Variants in SPEF2 observed in about 807,000 individuals in gnomAD.
The protein encoded by SPEF2 is sperm flagellar and cilia associated 2, also known as sperm flagella and cilia-associated protein 2.
A neutral mutation model predicts 224.6 loss-of-function variants in SPEF2; 187 were observed. The ratio of observed to expected loss-of-function variants is 0.83; its 90% CI spans 0.74 to 0.94. The LOEUF (loss-of-function observed/expected upper bound fraction) is 0.94, where lower values mean the gene tolerates loss of function less well. Among genes scored for constraint, SPEF2 ranks in the 40% least tolerant of loss-of-function variants. SPEF2 has a pLI of 0.00. For synonymous variants in SPEF2, 715 were observed against 707.3 expected, an observed-to-expected ratio of 1.01 and a Z score of -0.17; for missense variants, 2,170 against 2,135.6, an observed-to-expected ratio of 1.02 and a Z score of -0.32.
intron 28 of SPEF2, among the ~76,000 whole-genome samples, chr5:35,775,393 G>A (rs570114182): frequency 7.9e-5 from 12 of 152,264 alleles, no homozygotes; most frequent in East Asian, 7.7e-4. Context: ...AAAAATTGGC[G>A]TGAGAATGAA....
intron 9 of SPEF2, among the ~76,000 whole-genome samples, chr5:35,667,834 G>A (rs1750713495): frequency 6.6e-6 from 1 of 151,976 alleles, no homozygotes; most frequent in South Asian, 2.1e-4. Context: ...AAATAAGCCA[G>A]TTCAAAAATA....
intron 30 of SPEF2, among the ~76,000 whole-genome samples, chr5:35,786,658 C>A: frequency 6.6e-6 from 1 of 151,216 alleles, no homozygotes. Flanking sequence ...GAGACTCCAT[C>A]TCAAAAAAAA....
chr5:35,775,101 A>G (rs1753426223), intron 28 of SPEF2, among the ~76,000 whole-genome samples: 1 of 152,198 alleles, frequency 6.6e-6, no homozygotes, highest in Admixed American at 6.5e-5. Context: ...ACAAACATAA[A>G]CAAAAAATAA....
chr5:35,629,151 CTTTTTT>C (rs768077049), intron 2 of SPEF2, among the ~76,000 whole-genome samples: 3 of 88,342 alleles, frequency 3.4e-5, no homozygotes, highest in African/African-American at 1.2e-4. Flanking sequence ...TCGATTGTTC[CTTTTTT>C]TTTTTTTTTT....
intron 11 of SPEF2, among the ~76,000 whole-genome samples, 187 bp from the exon 12 acceptor site, chr5:35,692,383 C>G (rs750662582): frequency 1.5e-4 from 23 of 152,134 alleles, no homozygotes; most frequent in Non-Finnish European, 2.2e-4. Context: ...TGCACTCCAG[C>G]CTAGGCGACA....
At position 35,776,266 on chromosome 5, in the gene SPEF2, C is replaced by T. The variant is rs776429509; in HGVS notation, c.4088C>T (p.Thr1363Met). 2.9e-5 allele frequency: 46 copies of T among 1,603,926 alleles called. No homozygotes were observed. Among genetic ancestry groups the T allele is most frequent in the South Asian group, 5.6e-5 (5 of 89,566 alleles). ...LAALQFEEIA[T>M]QFRLELIKTK... The stretch of plus-strand genomic sequence containing the variant: ...TTCTCTTTGCAAATAGAAATAGCCA[C>T]GCAATTTCGACTTGAACTGATAAAG... Residue 1363 changes from threonine to methionine, a missense_variant, in exon 29 of 37, where the codon ACG becomes ATG. Thr to Met is a moderately conservative substitution (Grantham distance 81). Transcript: ENST00000356031.
intron 10 of SPEF2, among the ~76,000 whole-genome samples, chr5:35,674,237 TC>T (rs1476441724): frequency 6.6e-6 from 1 of 151,460 alleles, no homozygotes; most frequent in Non-Finnish European, 1.5e-5. Context: ...CCAGTTTGAC[TC>T]CCCAGTGAGA....
chr5:35,683,759 G>C (rs918005918), intron 10 of SPEF2, among the ~76,000 whole-genome samples: 1 of 152,174 alleles, frequency 6.6e-6, no homozygotes, highest in Non-Finnish European at 1.5e-5. Context: ...GGGAGAGTCA[G>C]ACCTCCTAGG....
intron 10 of SPEF2, among the ~76,000 whole-genome samples, chr5:35,690,082 C>T (rs1391203116): frequency 6.6e-6 from 1 of 151,440 alleles, no homozygotes; most frequent in Admixed American, 6.6e-5. Context: ...TGTTTATTTT[C>T]CTTCTTTTTT....
chr5:35,681,806 A>T (rs1046441960), intron 10 of SPEF2, among the ~76,000 whole-genome samples: 4 of 152,260 alleles, frequency 2.6e-5, no homozygotes, highest in African/African-American at 9.6e-5. Flanking sequence ...TTTGAAAGCC[A>T]CTATCTTAGA....
chr5:35,682,830 G>C (rs979026413), intron 10 of SPEF2, among the ~76,000 whole-genome samples: 1 of 152,186 alleles, frequency 6.6e-6, no homozygotes, highest in African/African-American at 2.4e-5. Context: ...TCCCAACTTG[G>C]ATGTTTAGAA....
chr5:35,625,134 A>G (rs756420973), intron 1 of SPEF2, among the ~76,000 whole-genome samples: 16 of 152,040 alleles, frequency 1.1e-4, no homozygotes, highest in Non-Finnish European at 2.4e-4. Flanking sequence ...GATGTGGTAC[A>G]TGGTAAATCT....
intron 2 of SPEF2, among the ~76,000 whole-genome samples, chr5:35,633,455 C>T (rs1171296232): frequency 2.0e-5 from 3 of 151,710 alleles, no homozygotes; most frequent in Non-Finnish European, 4.4e-5. Flanking sequence ...CACTCTAGTC[C>T]TGTTTTGGTT....
Position 35,753,693 on chromosome 5 carries a change from A to G in SPEF2, c.3400A>G (p.Ile1134Val), listed in dbSNP as rs781718068. The G allele has an allele frequency of 1.1e-5, 17 of 1,614,028 alleles. No homozygotes were observed. Among genetic ancestry groups the G allele is most frequent in the Non-Finnish European group, 1.4e-5 (17 of 1,180,020 alleles). ...KEEAEQERLD[I>V]INESWLQDTL... ...AGAGGCGGAGCAGGAGCGGCTTGACATCATTAATGAGAGCTGGTTACAGGA... is the reference window on the plus strand; with the variant it reads ...AGAGGCGGAGCAGGAGCGGCTTGACGTCATTAATGAGAGCTGGTTACAGGA... The change falls in exon 24 of 37, where the codon ATC becomes GTC. Residue 1134 changes from isoleucine to valine, a missense_variant. Coordinates refer to ENST00000356031, the MANE Select transcript of SPEF2 (RefSeq NM_024867.4).
At chr5:35,788,771 C>T (rs1398802661) in intron 30 of SPEF2, 1 of 702,908 alleles carries the variant, frequency 1.4e-6, no homozygotes, top group African/African-American at 1.7e-5. Flanking sequence ...TTGCTTTGCA[C>T]ATCACCTTGA....
chr5:35,695,823 A>G lies in SPEF2; in HGVS notation c.2037+27A>G, dbSNP rs1303145938. ...TAAGTATTATGATCTAATTTTAGCT[A>G]CTAACATATTAAAACCTGTCATGAT... On this transcript the variant is annotated intron_variant, in intron 14 of 36. Coordinates refer to ENST00000356031, the MANE Select transcript of SPEF2 (RefSeq NM_024867.4). 2.0e-6 allele frequency: 3 copies of G among 1,534,858 alleles called. No individual in the cohort carries two copies. The East Asian group carries it at 6.9e-5, about 35-fold the overall frequency.
intron 27 of SPEF2, among the ~76,000 whole-genome samples, chr5:35,772,267 T>C (rs1443336170): frequency 1.3e-5 from 2 of 152,120 alleles, no homozygotes; most frequent in Non-Finnish European, 2.9e-5. Context: ...GGCATCAACA[T>C]TACCCTCCCC....
chr5:35,751,096 C>CATATATATATATATATATAT (rs376188111), intron 23 of SPEF2, among the ~76,000 whole-genome samples: 10 of 30,598 alleles, frequency 3.3e-4, no homozygotes, highest in South Asian at 3.0e-3. Flanking sequence ...CACACACACA[C>CATATATATATATATATATAT]ATATATATAT....
chr5:35,670,098 A>G lies in SPEF2; in HGVS notation c.1395A>G (p.Leu465=), dbSNP rs151060493. 20 of 1,609,892 alleles carry G rather than the reference A, an allele frequency of 1.2e-5. 1 individual carries two copies. The highest frequency in any genetic ancestry group is 1.6e-5 in the Non-Finnish European group (19 of 1,178,256). Residue 465 remains leucine, a synonymous_variant, in exon 10 of 37, where the codon CTA becomes CTG. Transcript: ENST00000356031. ...AGTTGATGCATGATTGGAAGGAACT[A>G]TTTTTTAATGCAAAACCCATATATG... ...PYKLMHDWKE[L]FFNAKPIYEQ... is the part of the protein sequence containing the mutation.
Sources: allele counts gnomAD v4.1 joint callset (sites outside exome capture counted in the v4.1 genomes callset), GRCh38; gene constraint gnomAD v4.1.1; transcripts MANE v1.5; gene names NCBI Gene and HGNC (gene_info 2026-07-23, HGNC 2026-07-21).